Variants in WASHC4 observed in about 807,000 individuals in gnomAD.
WASHC4 encodes WASH complex subunit 7.
In WASHC4, 86 loss-of-function variants were observed where a neutral mutation model predicts 166.6. The ratio of observed to expected loss-of-function variants is 0.52; its 90% CI spans 0.43 to 0.62. The LOEUF (loss-of-function observed/expected upper bound fraction) is 0.62, where lower values mean the gene tolerates loss of function less well. Ranked by LOEUF, WASHC4 falls within the 20% of genes least tolerant of loss-of-function variation. The pLI is 0.00. For missense variants in WASHC4, 1,262 were observed against 1,382.4 expected (o/e 0.91, Z 1.38); for synonymous variants, 446 against 451.6 (o/e 0.99, Z 0.16).
chr12:105,133,712 A>G lies in WASHC4; in HGVS notation c.1200-58A>G, dbSNP rs1354210061. 173 of 1,445,456 alleles carry G rather than the reference A, an allele frequency of 1.2e-4. 2 individuals are homozygous for G. In the South Asian group the frequency reaches 1.6e-3, roughly 13 times the overall value. 89.5% of individuals were successfully genotyped at this position (1,445,456 alleles called of 1,614,324 possible). A position where few individuals can be genotyped will look rare whatever the true frequency, so the allele number is the denominator to read the frequency against. ...AGGGAAATAATGTACTGCAATCAGT[A>G]TCAAGAAATGGAAGTAAATTTTCTT... On this transcript the variant is annotated intron_variant, in intron 13 of 32. Transcript: ENST00000332180.
Position 105,162,771 on chromosome 12 carries a change from C to T in WASHC4, c.3083C>T (p.Ser1028Phe). The change falls in exon 30 of 33, where the codon TCC (serine) becomes TTC (phenylalanine). Residue 1028 changes from serine to phenylalanine, a missense_variant. By Grantham distance (155) the Ser-to-Phe change is radical. Coordinates refer to ENST00000332180, the MANE Select transcript of WASHC4 (RefSeq NM_015275.3). The part of the protein sequence containing the change: ...PPLTLNFVEH[S>F]ISCKEKLNKK... Reference sequence around the variant, plus strand: ...TAGACCCTCAACTTTGTAGAGCATTCCATTAGTTGCAAGGAAAAATTAAAT... The same window carrying T: ...TAGACCCTCAACTTTGTAGAGCATTTCATTAGTTGCAAGGAAAAATTAAAT... 6.3e-7 allele frequency: 1 copy of T among 1,593,260 alleles called. No individual in the cohort carries two copies. Among genetic ancestry groups the T allele is most frequent in the Non-Finnish European group, 8.6e-7 (1 of 1,163,790 alleles).
intron 28 of WASHC4, 41 bp from the exon 29 acceptor site, chr12:105,159,960 C>T: frequency 6.3e-7 from 1 of 1,596,342 alleles, no homozygotes; most frequent in Non-Finnish European, 8.6e-7. Flanking sequence ...CAAAGCCACG[C>T]TTCTTTTGAG....
Position 105,167,317 on chromosome 12 carries a change from A to G in WASHC4, c.*386A>G. 4.8e-6 allele frequency: 1 copy of G among 207,724 alleles called. No homozygotes were observed. Among genetic ancestry groups the G allele is most frequent in the Non-Finnish European group, 1.0e-5 (1 of 100,402 alleles). 12.9% of individuals were successfully genotyped at this position (207,724 alleles called of 1,614,324 possible). ...TCAAGTCATGGGAAATTCAATGCAT[A>G]TACTATATACAGCCAGTAAATACAT... On this transcript the variant is annotated 3_prime_UTR_variant, in exon 33 of 33. Transcript: ENST00000332180.
chr12:105,149,759 C>T lies in WASHC4; in HGVS notation c.2649+10C>T. On this transcript the variant is annotated intron_variant, in intron 25 of 32. Transcript: ENST00000332180. ...CCAAAATGATCATAAGGTAGGCTAC[C>T]TATTCTTTTTAAGGTATTTGATTAA... is the stretch of plus-strand genomic sequence containing the variant. 2 of 1,588,548 alleles carry T rather than the reference C, an allele frequency of 1.3e-6. No homozygotes were observed. Among genetic ancestry groups the T allele is most frequent in the Non-Finnish European group, 1.7e-6 (2 of 1,162,962 alleles).
chr12:105,150,331 C>T (rs985313586), intron 25 of WASHC4, among the ~76,000 whole-genome samples: 6 of 152,194 alleles, frequency 3.9e-5, no homozygotes, highest in Admixed American at 3.9e-4. Context: ...GCTGCAGTAA[C>T]ATCTTTACAC....
intron 28 of WASHC4, among the ~76,000 whole-genome samples, chr12:105,159,021 A>T (rs1008959820): frequency 6.6e-6 from 1 of 152,212 alleles, no homozygotes; most frequent in Non-Finnish European, 1.5e-5. Flanking sequence ...TTGCTCTGGA[A>T]TAGTCTGTTA....
rs539469320 is a variant in WASHC4, at chr12:105,122,329, T to C, written c.786+91T>C. The C allele has an allele frequency of 5.9e-5, 78 of 1,331,334 alleles. 1 individual carries two copies. The South Asian group carries it at 9.7e-4, about 17-fold the overall frequency. 82.5% of individuals were successfully genotyped at this position (1,331,334 alleles called of 1,614,324 possible). On this transcript the variant is annotated intron_variant, in intron 10 of 32. Transcript: ENST00000332180. ...GTAGGACACTTTTATAATATACTGT[T>C]GAATATAATTTTCTTTAAAAAGTGC...
At chr12:105,152,004 T>G (rs1883809153) in intron 25 of WASHC4, among the ~76,000 whole-genome samples, 1 of 152,172 alleles carries the variant, frequency 6.6e-6, no homozygotes, top group African/African-American at 2.4e-5. Context: ...CTAATACCTA[T>G]TCAGCCCACA....
intron 16 of WASHC4, among the ~76,000 whole-genome samples, 181 bp downstream of exon 16, chr12:105,140,582 T>C (rs1019906518): frequency 1.3e-5 from 2 of 152,256 alleles, no homozygotes; most frequent in African/African-American, 4.8e-5. Context: ...TTATCTTTAC[T>C]GTGAAATTGC....
rs948573628 is a variant in WASHC4 at position 105,155,698 on chromosome 12, G to A, written c.2759-1028G>A. The stretch of plus-strand genomic sequence containing the variant: ...TCTACTAAAAATACAAAAATTAGCC[G>A]GGCGTGGTGGCGGACGCCATGTGAT... On this transcript the variant is annotated intron_variant, in intron 26 of 32. Coordinates refer to ENST00000332180, the MANE Select transcript of WASHC4 (RefSeq NM_015275.3). Among the ~76,000 whole-genome samples, 10 of 26,660 alleles carry A rather than the reference G, an allele frequency of 3.8e-4. No individual in the cohort carries two copies. The East Asian group carries it at 3.8e-3, about 10-fold the overall frequency. The allele number at this position is 26,660 out of a possible 152,430, so 17.5% of individuals were successfully genotyped here.
chr12:105,111,145 C>G lies in WASHC4; in HGVS notation c.82C>G (p.Leu28Val), dbSNP rs532409419. 6.2e-7 allele frequency: 1 copy of G among 1,606,780 alleles called. No homozygotes were observed. Among genetic ancestry groups the G allele is most frequent in the East Asian group, 2.2e-5 (1 of 44,754 alleles). ...CTTAGAAATTCATGCCGAAGTCCAACTTAAGAATTATGGGAAATTTCTTGA... is the reference window on the plus strand; with the variant it reads ...CTTAGAAATTCATGCCGAAGTCCAAGTTAAGAATTATGGGAAATTTCTTGA... ...GSQKIHAEVQ[L>V]KNYGKFLEEY... The change falls in exon 2 of 33, where the codon CTT (leucine) becomes GTT (valine). Residue 28 changes from leucine (L) to valine (V), a missense_variant. By Grantham distance (32) the Leu-to-Val change is conservative. Coordinates refer to ENST00000332180, the MANE Select transcript of WASHC4 (RefSeq NM_015275.3).
At chr12:105,127,899 CGTAAA>C (rs781567423) in intron 13 of WASHC4, among the ~76,000 whole-genome samples, 90 of 152,004 alleles carry the variant, frequency 5.9e-4, no homozygotes, top group African/African-American at 1.9e-3. Flanking sequence ...TTCAAATATA[CGTAAA>C]GTAGAGAAAA....
At chr12:105,152,164 A>G (rs190495803) in intron 25 of WASHC4, among the ~76,000 whole-genome samples, 179 bp from the exon 26 acceptor site, 1 of 152,374 alleles carries the variant, frequency 6.6e-6, no homozygotes, top group Non-Finnish European at 1.5e-5. Flanking sequence ...CTAATGTCAA[A>G]AAGAAAAAAG....
chr12:105,158,664 A>G (rs562738226), intron 28 of WASHC4, among the ~76,000 whole-genome samples: 1 of 152,310 alleles, frequency 6.6e-6, no homozygotes, highest in South Asian at 2.1e-4. Flanking sequence ...TTTGAGGAAT[A>G]ATTGGGGGAC....
intron 25 of WASHC4, 66 bp from the exon 26 acceptor site, chr12:105,152,275 GTT>G (rs1883827999): frequency 2.5e-6 from 2 of 802,142 alleles, no homozygotes. Context: ...TATTGGCATG[GTT>G]TATTTGGGAG....
intron 16 of WASHC4, 132 bp from the exon 17 acceptor site, chr12:105,140,765 CAG>C: frequency 1.1e-6 from 1 of 873,802 alleles, no homozygotes; most frequent in South Asian, 1.5e-5. Context: ...GTATAAATGT[CAG>C]AAGCTTAAAT....
At position 105,152,470 on chromosome 12, in the gene WASHC4, G is replaced by T. The variant is rs1201848334; in HGVS notation, c.2758+19G>T. ...CAGATTGGTAAGTTATGATAAAAGT[G>T]TTGGGAAATCAGGTACAGATCCCTA... On this transcript the variant is annotated intron_variant, in intron 26 of 32. Transcript: ENST00000332180. The T allele has an allele frequency of 7.4e-7, 1 of 1,343,324 alleles. No individual in the cohort carries two copies. The highest frequency in any genetic ancestry group is 1.7e-5 in the Admixed American group (1 of 59,668). The allele number at this position is 1,343,324 out of a possible 1,614,324, so 83.2% of individuals were successfully genotyped here.
chr12:105,131,660 G>C (rs1024432253), intron 13 of WASHC4, among the ~76,000 whole-genome samples: 1 of 152,098 alleles, frequency 6.6e-6, no homozygotes, highest in Non-Finnish European at 1.5e-5. Context: ...GCTGAGTCTT[G>C]ATCACAACCT....
In WASHC4 at chr12:105,115,201, C is replaced by T. The variant is rs781314750; in HGVS notation, c.339C>T (p.Tyr113=). Residue 113 remains tyrosine, a synonymous_variant, in exon 5 of 33, where the codon TAC becomes TAT. Coordinates refer to ENST00000332180, the MANE Select transcript of WASHC4 (RefSeq NM_015275.3). Reference sequence around the variant, plus strand: ...AAAAACAGGCTGAAACTAAATTTTACAATGGTCTCTTGTTTTATGGAGAAG... The same window carrying T: ...AAAAACAGGCTGAAACTAAATTTTATAATGGTCTCTTGTTTTATGGAGAAG... ...KLKYEAETKF[Y]NGLLFYGEGA... The T allele has an allele frequency of 9.0e-6, 14 of 1,555,658 alleles. No individual in the cohort carries two copies. The South Asian group carries it at 1.5e-4, about 16-fold the overall frequency.
Sources: allele counts gnomAD v4.1 joint callset (sites outside exome capture counted in the v4.1 genomes callset), GRCh38; gene constraint gnomAD v4.1.1; transcripts MANE v1.5; gene names NCBI Gene and HGNC (gene_info 2026-07-23, HGNC 2026-07-21).